The following TTBK2 variants were observed in gnomAD, a reference collection of about 807,000 sequenced individuals.
TTBK2 encodes the protein tau-tubulin kinase 2.
TTBK2 carries 28 observed loss-of-function variants against 110.8 expected under a neutral mutation model. The observed-to-expected ratio is 0.25, with a 90% CI of 0.19 to 0.35. The LOEUF (loss-of-function observed/expected upper bound fraction) is 0.35. Among genes scored for constraint, TTBK2 ranks in the 10% least tolerant of loss-of-function variants. TTBK2 has a pLI of 1.00. For synonymous variants in TTBK2, 532 were observed against 527.3 expected (o/e 1.01, Z -0.12); for missense variants, 1,369 against 1,500.3 (o/e 0.91, Z 1.45).
Position 42,738,802 on chromosome 15 carries a change from A to G in TTBK2, c.*6993T>C, listed in dbSNP as rs2061732258. On this transcript the variant is annotated 3_prime_UTR_variant, in exon 15 of 15. Coordinates refer to ENST00000267890, the MANE Select transcript of TTBK2 (RefSeq NM_173500.4). ...CAGGGACACTTAACACCTAGCTTCT[A>G]TTCAGTCCTGGGCTGCTTTTTCTAG... is the stretch of plus-strand genomic sequence containing the variant. The G allele has an allele frequency of 1.3e-5, 2 of 152,364 alleles. No homozygotes were observed. Among genetic ancestry groups the G allele is most frequent in the East Asian group, 1.9e-4 (1 of 5,186 alleles). The allele number at this position is 152,364 out of a possible 1,614,324, so 9.4% of individuals were successfully genotyped here. A position where few individuals can be genotyped will look rare whatever the true frequency, so the allele number is the denominator to read the frequency against.
intron 11 of TTBK2, among the ~76,000 whole-genome samples, chr15:42,780,691 C>T (rs1399298044): frequency 6.6e-6 from 1 of 152,106 alleles, no homozygotes. Flanking sequence ...TTTGGCTGGG[C>T]GTCGTGGCTT....
intron 11 of TTBK2, 50 bp downstream of exon 11, chr15:42,783,369 C>T (rs186545207): frequency 6.3e-7 from 1 of 1,580,482 alleles, no homozygotes; most frequent in African/African-American, 1.3e-5. Flanking sequence ...GACTTCCCAG[C>T]CTTCTGAACT....
chr15:42,763,157 CA>C (rs1889132577), intron 13 of TTBK2, among the ~76,000 whole-genome samples: 1 of 20,464 alleles, frequency 4.9e-5, no homozygotes. Context: ...TATATATATA[CA>C]TATATATATA....
chr15:42,814,659 T>A (rs916380452), intron 7 of TTBK2, among the ~76,000 whole-genome samples: 2 of 152,122 alleles, frequency 1.3e-5, no homozygotes, highest in African/African-American at 4.8e-5. Context: ...TTTCAGAGTA[T>A]GGAAAAAAGA....
intron 3 of TTBK2, among the ~76,000 whole-genome samples, chr15:42,862,331 C>T (rs1048265182): frequency 6.6e-6 from 1 of 152,132 alleles, no homozygotes; most frequent in African/African-American, 2.4e-5. Context: ...ACACAAAAAT[C>T]CTCAACAAAA....
chr15:42,796,964 A>G (rs540002411), intron 9 of TTBK2, among the ~76,000 whole-genome samples: 1 of 152,344 alleles, frequency 6.6e-6, no homozygotes, highest in East Asian at 1.9e-4. Flanking sequence ...TTTGGGTCCT[A>G]TTTTTGTTCA....
chr15:42,823,627 G>C (rs1892403458), intron 6 of TTBK2, among the ~76,000 whole-genome samples: 1 of 152,138 alleles, frequency 6.6e-6, no homozygotes, highest in African/African-American at 2.4e-5. Context: ...TGATGTCTTA[G>C]TCCATTTGTA....
At chr15:42,902,081 T>C (rs181954033) in intron 1 of TTBK2, among the ~76,000 whole-genome samples, 82 of 150,650 alleles carry the variant, frequency 5.4e-4, no homozygotes, top group Non-Finnish European at 9.0e-4. Context: ...CCAGGCGTGG[T>C]AGAGCACGTC....
intron 1 of TTBK2, among the ~76,000 whole-genome samples, chr15:42,912,063 TGCGGCCCATGGGCCGCTG>T (rs2030788520): frequency 1.3e-5 from 2 of 152,214 alleles, no homozygotes; most frequent in African/African-American, 4.8e-5. Flanking sequence ...CTGGGCCACG[TGCGGCCCATGGGCCGCTG>T]GTTGCACAAG....
chr15:42,766,808 A>G (rs1889403350), intron 13 of TTBK2, among the ~76,000 whole-genome samples: 6 of 152,196 alleles, frequency 3.9e-5, no homozygotes, highest in Admixed American at 3.9e-4. Context: ...AGAACTCTCC[A>G]CCTCAAATCA....
At chr15:42,837,489 C>G (rs1183456466) in intron 4 of TTBK2, among the ~76,000 whole-genome samples, 3 of 151,760 alleles carry the variant, frequency 2.0e-5, no homozygotes, top group Non-Finnish European at 4.4e-5. Context: ...GAAACCCAGT[C>G]TCTAATTAAA....
chr15:42,747,555 A>T (rs972040840), intron 14 of TTBK2, among the ~76,000 whole-genome samples: 1 of 152,090 alleles, frequency 6.6e-6, no homozygotes, highest in Non-Finnish European at 1.5e-5. Flanking sequence ...TACAACCTAG[A>T]TCTCTCCCAT....
chr15:42,742,526 C>G lies in TTBK2; in HGVS notation c.*3269G>C, dbSNP rs1006840071. The G allele has an allele frequency of 6.6e-6, 1 of 152,094 alleles. No homozygotes were observed. Among genetic ancestry groups the G allele is most frequent in the South Asian group, 2.1e-4 (1 of 4,830 alleles). 9.4% of individuals were successfully genotyped at this position (152,094 alleles called of 1,614,324 possible). A position where few individuals can be genotyped will look rare whatever the true frequency, so the allele number is the denominator to read the frequency against. Reference sequence around the variant, plus strand: ...TTACTATTTCAACCAATCCATAGACCCTGAGGATTTGGCAGCAGAATTCAG... The same window carrying G: ...TTACTATTTCAACCAATCCATAGACGCTGAGGATTTGGCAGCAGAATTCAG... On this transcript the variant is annotated 3_prime_UTR_variant, in exon 15 of 15. Transcript: ENST00000267890.
At chr15:42,789,803 A>G (rs1890569156) in intron 10 of TTBK2, among the ~76,000 whole-genome samples, 1 of 151,820 alleles carries the variant, frequency 6.6e-6, no homozygotes, top group East Asian at 1.9e-4. Context: ...AAGTATTTAT[A>G]CATCATCTAT....
In TTBK2 at chr15:42,746,036, C is replaced by G. The variant is rs765413012; in HGVS notation, c.3494G>C (p.Ser1165Thr). 5.6e-6 allele frequency: 9 copies of G among 1,614,022 alleles called. No homozygotes were observed. The highest frequency in any genetic ancestry group is 5.9e-6 in the Non-Finnish European group (7 of 1,180,034). Residue 1165 changes from serine to threonine, a missense_variant, in exon 15 of 15, where the codon AGT (serine) becomes ACT (threonine). Physicochemically the swap from Ser to Thr is moderately conservative, Grantham distance 58. This residue lies in a region of TTBK2 where 1,097 missense variants were observed against 1,114.7 expected (regional missense o/e 0.98). Coordinates refer to ENST00000267890, the MANE Select transcript of TTBK2 (RefSeq NM_173500.4). ...CCGTCCAGCCCTAGATGGTGAGGAA[C>G]TAGACGTGCGAGGCAAGGATGAGCT... is the stretch of plus-strand genomic sequence containing the variant. ...PRSSSLPRTS[S>T]SSPSRAGRPH...
At chr15:42,790,083 G>A (rs1005025062) in intron 10 of TTBK2, among the ~76,000 whole-genome samples, 1 of 151,990 alleles carries the variant, frequency 6.6e-6, no homozygotes, top group Non-Finnish European at 1.5e-5. Context: ...GGATTTCCAC[G>A]TGCAAAGGAA....
At chr15:42,852,008 T>G (rs1277825959) in intron 3 of TTBK2, among the ~76,000 whole-genome samples, 1 of 152,136 alleles carries the variant, frequency 6.6e-6, no homozygotes, top group Non-Finnish European at 1.5e-5. Context: ...AGTAGCACTG[T>G]TCTACCATAT....
intron 14 of TTBK2, among the ~76,000 whole-genome samples, chr15:42,749,964 T>C (rs1254633575): frequency 1.3e-5 from 2 of 152,132 alleles, no homozygotes; most frequent in Non-Finnish European, 2.9e-5. Context: ...CATGCACCTG[T>C]AGTTCCAGAT....
At chr15:42,748,155 G>A (rs1210149240) in intron 14 of TTBK2, among the ~76,000 whole-genome samples, 1 of 152,148 alleles carries the variant, frequency 6.6e-6, no homozygotes, top group Non-Finnish European at 1.5e-5. Context: ...GCAGAGAAGG[G>A]GGTTAGTTAC....
Sources: gnomAD v4.1 joint callset for allele counts (sites outside exome capture counted in the v4.1 genomes callset) on GRCh38, gnomAD v4.1.1 for gene constraint, gnomAD v4.1.1 regional missense constraint, MANE v1.5 for transcripts, NCBI Gene and HGNC (gene_info 2026-07-23, HGNC 2026-07-21) for gene names.